Variants in RIOK1 observed in about 807,000 individuals in gnomAD.
RIOK1 encodes the protein RIO kinase 1, also known as serine/threonine-protein kinase RIO1.
A neutral mutation model predicts 73.5 loss-of-function variants in RIOK1; 66 were observed. The ratio of observed to expected loss-of-function variants is 0.90; its 90% confidence interval spans 0.74 to 1.10. The LOEUF is 1.10. Among genes scored for constraint, RIOK1 ranks in the 50% least tolerant of loss-of-function variants. The pLI, the probability that RIOK1 is intolerant of heterozygous loss-of-function variation, is 0.00. For synonymous variants in RIOK1, 224 were observed against 226.8 expected (o/e 0.99, Z 0.11); for missense variants, 658 against 699.8 (o/e 0.94, Z 0.67).
intron 1 of RIOK1, among the ~76,000 whole-genome samples, chr6:7,392,464 G>A (rs968242908): frequency 2.0e-5 from 3 of 151,568 alleles, no homozygotes; most frequent in Non-Finnish European, 2.9e-5. Flanking sequence ...AAGTGTTATC[G>A]AGTTCAAAGT....
In RIOK1 at chr6:7,414,344, A is replaced by T; in HGVS notation, c.1550A>T (p.His517Leu). Residue 517 changes from histidine to leucine, a missense_variant, in exon 16 of 17, where the codon CAT becomes CTT. By Grantham distance (99) the His-to-Leu change is moderately conservative. Coordinates refer to ENST00000379834, the MANE Select transcript of RIOK1 (RefSeq NM_031480.3). ...SDTDSEEQGD[H>L]ARPKKHTTDP... Reference sequence around the variant, plus strand: ...ACAGACTCTGAAGAGCAGGGAGACCATGCCCGCCCCAAGAAACACACCACG... The same window carrying T: ...ACAGACTCTGAAGAGCAGGGAGACCTTGCCCGCCCCAAGAAACACACCACG... The T allele has an allele frequency of 6.2e-7, 1 of 1,613,458 alleles. No homozygotes were observed. Among genetic ancestry groups the T allele is most frequent in the Non-Finnish European group, 8.5e-7 (1 of 1,179,830 alleles).
intron 16 of RIOK1, among the ~76,000 whole-genome samples, chr6:7,414,996 A>G (rs184907305): frequency 1.3e-4 from 20 of 152,322 alleles, no homozygotes; most frequent in Admixed American, 2.6e-4. Context: ...CTTCTTGGCT[A>G]TCAGTTCAGC....
At chr6:7,391,478 C>T (rs899696016) in intron 1 of RIOK1, among the ~76,000 whole-genome samples, 3 of 152,128 alleles carry the variant, frequency 2.0e-5, no homozygotes, top group Non-Finnish European at 4.4e-5. Context: ...TTTATGGTTA[C>T]GGAGAAGTGT....
At chr6:7,413,801 C>G (rs142989354) in intron 15 of RIOK1, among the ~76,000 whole-genome samples, 1 of 152,182 alleles carries the variant, frequency 6.6e-6, no homozygotes, top group Non-Finnish European at 1.5e-5. Context: ...ATGAAAATTT[C>G]TCTTCTTCAC....
chr6:7,410,599 A>G, intron 13 of RIOK1, 148 bp downstream of exon 13: 1 of 602,988 alleles, frequency 1.7e-6, no homozygotes, highest in Non-Finnish European at 3.0e-6. Flanking sequence ...ATTATAGTAA[A>G]TGATTTAAGT....
At chr6:7,412,124 G>A (rs1156905139) in intron 14 of RIOK1, among the ~76,000 whole-genome samples, 1 of 152,164 alleles carries the variant, frequency 6.6e-6, no homozygotes, top group Non-Finnish European at 1.5e-5. Context: ...CCTTTGGGAG[G>A]CTAAGGTGGG....
chr6:7,397,459 A>C (rs1011268910), intron 4 of RIOK1, among the ~76,000 whole-genome samples: 8 of 152,232 alleles, frequency 5.3e-5, no homozygotes, highest in African/African-American at 1.9e-4. Flanking sequence ...TTAAAAATTT[A>C]AGGGAAGACT....
chr6:7,417,155 G>A (rs1284623537), intron 16 of RIOK1, among the ~76,000 whole-genome samples, 176 bp from the exon 17 acceptor site: 2 of 152,034 alleles, frequency 1.3e-5, no homozygotes, highest in Non-Finnish European at 1.5e-5. Flanking sequence ...GGAGGCTGAG[G>A]TGGGAGGATT....
In RIOK1 at chr6:7,391,927, ACGGGG is replaced by A. The variant is rs1351528438; in HGVS notation, c.72-1171_72-1167del. Among the ~76,000 whole-genome samples the A allele has an allele frequency of 3.9e-5, 6 of 152,322 alleles. No homozygotes were observed. The South Asian group carries it at 6.2e-4, about 16-fold the overall frequency. The stretch of plus-strand genomic sequence containing the variant: ...GTCTGTTTTCTTCCTCCACATGTCC[ACGGGG>A]AACCCTCAGAGCCATGGCTAATTAA... On this transcript the variant is annotated intron_variant, in intron 1 of 16. Coordinates refer to ENST00000379834, the MANE Select transcript of RIOK1 (RefSeq NM_031480.3).
chr6:7,403,997 T>A lies in RIOK1; in HGVS notation c.824T>A (p.Leu275His), dbSNP rs765113303. 14 of 1,612,024 alleles carry A rather than the reference T, an allele frequency of 8.7e-6. No individual in the cohort carries two copies. The highest frequency in any genetic ancestry group is 1.2e-5 in the Non-Finnish European group (14 of 1,178,662). Residue 275 changes from leucine (L) to histidine (H), a missense_variant, in exon 9 of 17, where the codon CTT becomes CAT. Transcript: ENST00000379834. ...CCAATAATGCTAAGAAGTCATGTTC[T>A]TGTCATGAGTTTCATCGGTAAAGAT... Reference protein sequence around the residue: ...PEPIMLRSHVLVMSFIGKDDM... With the variant: ...PEPIMLRSHVHVMSFIGKDDM...
Position 7,417,421 on chromosome 6 carries a change from A to G in RIOK1, c.1687A>G (p.Lys563Glu). Reference protein sequence around the residue: ...HVKKRKEKTAKTKKGK With the variant: ...HVKKRKEKTAETKKGK ...GAAAAAAAGAAAGGAGAAGACAGCC[A>G]AGACGAAAAAAGGCAAATAGAATGA... Residue 563 changes from lysine to glutamate, a missense_variant, in exon 17 of 17, where the codon AAG (lysine) becomes GAG (glutamate). Coordinates refer to ENST00000379834, the MANE Select transcript of RIOK1 (RefSeq NM_031480.3). 1.9e-6 allele frequency: 3 copies of G among 1,551,590 alleles called. No individual in the cohort carries two copies. Among genetic ancestry groups the G allele is most frequent in the South Asian group, 2.5e-5 (2 of 81,520 alleles).
intron 5 of RIOK1, among the ~76,000 whole-genome samples, chr6:7,400,518 A>T (rs1302911365): frequency 6.6e-6 from 1 of 152,214 alleles, no homozygotes; most frequent in East Asian, 1.9e-4. Context: ...TATCTCACTG[A>T]TGACTTTTTA....
At chr6:7,398,238 G>T (rs761391327) in intron 4 of RIOK1, among the ~76,000 whole-genome samples, 2 of 152,074 alleles carry the variant, frequency 1.3e-5, no homozygotes, top group Non-Finnish European at 2.9e-5. Flanking sequence ...CTATGTGGAG[G>T]CTGGGGCAGG....
chr6:7,391,608 C>G (rs1162586642), intron 1 of RIOK1, among the ~76,000 whole-genome samples: 3 of 152,158 alleles, frequency 2.0e-5, no homozygotes, highest in Non-Finnish European at 4.4e-5. Flanking sequence ...TAAGGATACA[C>G]CAGTGATTTT....
rs777194050 is a variant in RIOK1, at chr6:7,410,408, G to A, written c.1226G>A (p.Arg409Lys). Residue 409 changes from arginine to lysine, a missense_variant, in exon 13 of 17, where the codon AGG becomes AAG. Transcript: ENST00000379834. ...AAGGCCATGGAAATAGCATCTCAAAGGACCAAGGAAGAACGGTCTAGCCAA... is the reference window on the plus strand; with the variant it reads ...AAGGCCATGGAAATAGCATCTCAAAAGACCAAGGAAGAACGGTCTAGCCAA... ...LSKAMEIASQ[R>K]TKEERSSQDH... 5 of 1,612,796 alleles carry A rather than the reference G, an allele frequency of 3.1e-6. No homozygotes were observed. In the South Asian group the frequency reaches 4.4e-5, roughly 14 times the overall value.
At chr6:7,411,556 T>C (rs1002078501) in intron 14 of RIOK1, 105 bp downstream of exon 14, 3 of 1,211,914 alleles carry the variant, frequency 2.5e-6, no homozygotes, top group Middle Eastern at 3.8e-4. Context: ...GAATATTGGC[T>C]TCTGAGCTAG....
chr6:7,402,496 A>G (rs1482696356), intron 6 of RIOK1, 107 bp from the exon 7 acceptor site: 20 of 702,738 alleles, frequency 2.8e-5, no homozygotes, highest in Non-Finnish European at 4.2e-5. Context: ...GGTATTCCTT[A>G]TGCATGTTAT....
chr6:7,410,516 G>A (rs1371106710), intron 13 of RIOK1, 65 bp downstream of exon 13: 5 of 988,756 alleles, frequency 5.1e-6, no homozygotes, highest in Non-Finnish European at 7.8e-6. Context: ...TTTTTTTTAT[G>A]TTGCTAGAGC....
chr6:7,392,954 TG>T, intron 1 of RIOK1, 144 bp from the exon 2 acceptor site: 1 of 1,327,172 alleles, frequency 7.5e-7, no homozygotes, highest in Non-Finnish European at 9.6e-7. Context: ...TTTAAGGAGA[TG>T]GAGCTTATCG....
Sources: gnomAD v4.1 joint callset for allele counts (sites outside exome capture counted in the v4.1 genomes callset) on GRCh38, gnomAD v4.1.1 for gene constraint, MANE v1.5 for transcripts, NCBI Gene and HGNC (gene_info 2026-07-23, HGNC 2026-07-21) for gene names.